Variants in HERC3 observed in about 807,000 individuals in gnomAD.
The protein encoded by HERC3 is probable E3 ubiquitin-protein ligase HERC3.
In HERC3, 58 loss-of-function variants were observed where a neutral mutation model predicts 129.9. That is an observed-to-expected ratio of 0.45 (90% CI 0.36 to 0.56). The LOEUF (loss-of-function observed/expected upper bound fraction) is 0.56. HERC3 is among the 20% of genes least tolerant of loss of function. HERC3 has a pLI of 0.00. For missense variants in HERC3, 835 were observed against 1,244.2 expected, an observed-to-expected ratio of 0.67 and a Z score of 4.95; for synonymous variants, 430 against 451.0, an observed-to-expected ratio of 0.95 and a Z score of 0.59.
At chr4:88,656,691 G>A (rs1232110781) in intron 9 of HERC3, 1 of 152,260 alleles carries the variant, frequency 6.6e-6, no homozygotes, top group Non-Finnish European at 1.5e-5. Flanking sequence ...CACAGACCTT[G>A]GTGGTGGTGT....
chr4:88,579,219 T>TAA, the HERC3 span, among the ~76,000 whole-genome samples: 23 of 117,052 alleles, frequency 2.0e-4, no homozygotes, highest in East Asian at 8.4e-4. Flanking sequence ...CTGTCTCTAC[T>TAA]AAAAAAAAAA....
chr4:88,586,410 G>GT, the HERC3 span, among the ~76,000 whole-genome samples: 1 of 148,536 alleles, frequency 6.7e-6, no homozygotes, highest in African/African-American at 2.5e-5. Flanking sequence ...CCAGGCTGGA[G>GT]TGTAATGGCG....
At chr4:88,686,870 C>A in intron 22 of HERC3, 68 bp downstream of exon 22, 1 of 1,107,164 alleles carries the variant, frequency 9.0e-7, no homozygotes, top group Non-Finnish European at 1.4e-6. Context: ...TGATATTTAA[C>A]ATTAGTTCTT....
chr4:88,614,912 C>T (rs755681355), intron 3 of HERC3, among the ~76,000 whole-genome samples: 2 of 152,166 alleles, frequency 1.3e-5, no homozygotes, highest in Non-Finnish European at 2.9e-5. Flanking sequence ...CAGCAGGTGT[C>T]AAACAGGTGA....
intron 3 of HERC3, among the ~76,000 whole-genome samples, chr4:88,638,720 A>G (rs1459686469): frequency 6.6e-6 from 1 of 152,208 alleles, no homozygotes; most frequent in East Asian, 1.9e-4. Flanking sequence ...TATTTAACAT[A>G]GTATTGGAAG....
chr4:88,651,204 G>C (rs945653392), intron 4 of HERC3, among the ~76,000 whole-genome samples: 2 of 151,988 alleles, frequency 1.3e-5, no homozygotes, highest in Non-Finnish European at 2.9e-5. Flanking sequence ...GGTTTTTAAC[G>C]GCATTTCATT....
At chr4:88,630,781 C>T (rs1726658185) in intron 3 of HERC3, among the ~76,000 whole-genome samples, 2 of 152,208 alleles carry the variant, frequency 1.3e-5, no homozygotes, top group African/African-American at 2.4e-5. Flanking sequence ...AGGATTTCCT[C>T]TGTCAGAACC....
chr4:88,568,199 C>T, the HERC3 span, among the ~76,000 whole-genome samples: 24,815 of 152,188 alleles, frequency 0.16, 4,467 homozygotes, highest in African/African-American at 0.45. Context: ...ATAGTGTGGA[C>T]GGTGGCCATG....
At chr4:88,588,351 T>C (rs1475127502), upstream of HERC3, among the ~76,000 whole-genome samples, 1 of 152,228 alleles carries the variant, frequency 6.6e-6, no homozygotes. Flanking sequence ...TATTAATAAA[T>C]CAATGCTGTG....
At chr4:88,651,905 C>A in intron 4 of HERC3, 107 bp from the exon 5 acceptor site, 1 of 867,358 alleles carries the variant, frequency 1.2e-6, no homozygotes, top group Non-Finnish European at 1.9e-6. Context: ...GACTTTTAGG[C>A]AAGATGGTGT....
At chr4:88,602,904 A>G (rs1723171216) in intron 2 of HERC3, among the ~76,000 whole-genome samples, 1 of 152,214 alleles carries the variant, frequency 6.6e-6, no homozygotes, top group African/African-American at 2.4e-5. Context: ...TTCTCTTATC[A>G]TGCCTCATCC....
intron 1 of HERC3, among the ~76,000 whole-genome samples, chr4:88,594,930 C>T (rs1386858597): frequency 6.6e-6 from 1 of 151,706 alleles, no homozygotes; most frequent in East Asian, 1.9e-4. Flanking sequence ...GGTGAAACCC[C>T]TTCTCTACTA....
chr4:88,533,414 A>G, the HERC3 span, among the ~76,000 whole-genome samples: 3 of 152,200 alleles, frequency 2.0e-5, no homozygotes, highest in Non-Finnish European at 4.4e-5. Context: ...AAGTTGACAC[A>G]TTATTAACCA....
the HERC3 span, among the ~76,000 whole-genome samples, chr4:88,539,689 G>A: frequency 6.6e-6 from 1 of 152,192 alleles, no homozygotes; most frequent in Admixed American, 6.5e-5. Context: ...ATACAGGCAG[G>A]TGACCCTCTG....
At chr4:88,690,653 A>C in intron 23 of HERC3, 1 of 979,220 alleles carries the variant, frequency 1.0e-6, no homozygotes, top group African/African-American at 1.7e-5. Flanking sequence ...GTAGTCTGCA[A>C]TTGAGGCAGT....
In HERC3 at chr4:88,606,439, A is replaced by G. The variant is rs990167536; in HGVS notation, c.226+390A>G. Among the ~76,000 whole-genome samples the G allele has an allele frequency of 1.3e-4, 20 of 151,974 alleles. 1 individual carries two copies. The highest frequency in any genetic ancestry group is 7.9e-4 in the Admixed American group (12 of 15,238). On this transcript the variant is annotated intron_variant, in intron 3 of 25. Coordinates refer to ENST00000402738, the MANE Select transcript of HERC3 (RefSeq NM_014606.3). ...TTTTTATTTTTTATCTTCTTAGAGAACATATGTAATATCAGTTACCTGGGG... is the reference window on the plus strand; with the variant it reads ...TTTTTATTTTTTATCTTCTTAGAGAGCATATGTAATATCAGTTACCTGGGG...
intron 25 of HERC3, among the ~76,000 whole-genome samples, chr4:88,706,157 G>C (rs1735761163): frequency 6.6e-6 from 1 of 152,204 alleles, no homozygotes; most frequent in Non-Finnish European, 1.5e-5. Context: ...ATTTGAAAGT[G>C]CTTCTTAACT....
chr4:88,697,824 G>A, intron 23 of HERC3: 1 of 1,501,484 alleles, frequency 6.7e-7, no homozygotes, highest in Non-Finnish European at 8.9e-7. Flanking sequence ...GGTCCAGAGA[G>A]ATCTTGCGGA....
Position 88,601,783 on chromosome 4 carries a change from G to A in HERC3, c.-29-4012G>A, listed in dbSNP as rs1417183960. 2.8e-5 allele frequency among the ~76,000 whole-genome samples: 4 copies of A among 140,504 alleles called. 1 individual carries two copies. The East Asian group carries it at 6.3e-4, about 22-fold the overall frequency. 92.2% of individuals were successfully genotyped at this position (140,504 alleles called of 152,430 possible). On this transcript the variant is annotated intron_variant, in intron 2 of 25. Coordinates refer to ENST00000402738, the MANE Select transcript of HERC3 (RefSeq NM_014606.3). ...AGAAAAGGATATTCAGGGGCCGGGCGCGGTGGCTTACGCCTGTAATCCCAG... is the reference window on the plus strand; with the variant it reads ...AGAAAAGGATATTCAGGGGCCGGGCACGGTGGCTTACGCCTGTAATCCCAG...
Sources: allele counts gnomAD v4.1 joint callset (sites outside exome capture counted in the v4.1 genomes callset), GRCh38; gene constraint gnomAD v4.1.1; transcripts MANE v1.5; gene names NCBI Gene and HGNC (gene_info 2026-07-23, HGNC 2026-07-21).